DRC3: variants seen among roughly 807,000 people sequenced by gnomAD.
DRC3 encodes the protein dynein regulatory complex subunit 3.
A neutral mutation model predicts 57.6 loss-of-function variants in DRC3; 45 were observed. The ratio of observed to expected loss-of-function variants is 0.78; its 90% CI spans 0.62 to 1.00. The LOEUF is 1.00. Among genes scored for constraint, DRC3 ranks in the 50% least tolerant of loss-of-function variants. The pLI, the probability that DRC3 is intolerant of heterozygous loss-of-function variation, is 0.00. For missense variants in DRC3, 655 were observed against 675.2 expected, an observed-to-expected ratio of 0.97 and a Z score of 0.33; for synonymous variants, 257 against 272.3, an observed-to-expected ratio of 0.94 and a Z score of 0.55.
chr17:18,014,874 G>T (rs894193693), intron 12 of DRC3, among the ~76,000 whole-genome samples: 1 of 152,152 alleles, frequency 6.6e-6, no homozygotes, highest in Non-Finnish European at 1.5e-5. Context: ...CACATGGAAA[G>T]AACTTAATAA....
At chr17:18,014,342 G>A (rs1359484423) in intron 12 of DRC3, among the ~76,000 whole-genome samples, 2 of 152,238 alleles carry the variant, frequency 1.3e-5, no homozygotes, top group African/African-American at 2.4e-5. Context: ...TGTTTGCACA[G>A]CCCCTGCCTC....
In DRC3 at chr17:18,016,729, G is replaced by A; in HGVS notation, c.*58G>A. The stretch of plus-strand genomic sequence containing the variant: ...ATAGCACCAGCCCCAGCCAGGAGAA[G>A]GAAGTGCACACGCCTCACCCGCACC... On this transcript the variant is annotated 3_prime_UTR_variant, in exon 14 of 14. Coordinates refer to ENST00000399187, the MANE Select transcript of DRC3 (RefSeq NM_031294.4). The A allele has an allele frequency of 8.7e-7, 1 of 1,143,858 alleles. No homozygotes were observed. The highest frequency in any genetic ancestry group is 1.3e-6 in the Non-Finnish European group (1 of 766,072). The allele number at this position is 1,143,858 out of a possible 1,614,324, so 70.9% of individuals were successfully genotyped here. A position where few individuals can be genotyped will look rare whatever the true frequency, so the allele number is the denominator to read the frequency against.
intron 3 of DRC3, among the ~76,000 whole-genome samples, chr17:17,980,239 G>A (rs1303147860): frequency 6.6e-6 from 1 of 151,490 alleles, no homozygotes; most frequent in Admixed American, 6.6e-5. Context: ...CAGCTGGACT[G>A]TATGTTTTTT....
At chr17:18,007,331 G>A in intron 12 of DRC3, 184 bp downstream of exon 12, 1 of 1,448,184 alleles carries the variant, frequency 6.9e-7, no homozygotes, top group Non-Finnish European at 9.5e-7. Flanking sequence ...AGCACCTGGT[G>A]GGGCACCCAG....
In DRC3 at chr17:18,012,772, G is replaced by A. The variant is rs537097498; in HGVS notation, c.1327-3292G>A. On this transcript the variant is annotated intron_variant, in intron 12 of 13. Transcript: ENST00000399187. ...ACATTGGCCTGGGAAAAAATTTTAT[G>A]AATAAGACCTCAAAAGCACAGACAA... Among the ~76,000 whole-genome samples, 8 of 151,572 alleles carry A rather than the reference G, an allele frequency of 5.3e-5. No individual in the cohort carries two copies. The South Asian group carries it at 1.7e-3, about 32-fold the overall frequency.
At chr17:18,009,099 C>T (rs1253476207) in intron 12 of DRC3, among the ~76,000 whole-genome samples, 1 of 152,136 alleles carries the variant, frequency 6.6e-6, no homozygotes, top group East Asian at 1.9e-4. Flanking sequence ...ATCTAAGCAA[C>T]AAAAAATGTG....
intron 4 of DRC3, among the ~76,000 whole-genome samples, chr17:17,984,493 A>G (rs1248597859): frequency 2.6e-5 from 4 of 152,124 alleles, no homozygotes; most frequent in Non-Finnish European, 5.9e-5. Flanking sequence ...GGTTTTGATG[A>G]GATGTTCCTT....
chr17:17,973,633 TA>T (rs1227573582), intron 1 of DRC3: 3 of 152,160 alleles, frequency 2.0e-5, no homozygotes, highest in South Asian at 2.1e-4. Flanking sequence ...TTTATTTATT[TA>T]TTTATTTTTT....
intron 10 of DRC3, 76 bp downstream of exon 10, chr17:18,004,570 A>G: frequency 2.6e-6 from 4 of 1,526,460 alleles, no homozygotes; most frequent in Non-Finnish European, 2.7e-6. Flanking sequence ...TGTAGCCTTC[A>G]TGGGCACGCC....
intron 6 of DRC3, 124 bp from the exon 7 acceptor site, chr17:17,994,175 G>T: frequency 7.7e-7 from 1 of 1,303,322 alleles, no homozygotes; most frequent in Non-Finnish European, 1.0e-6. Context: ...CAGCCTTCAT[G>T]CAGGCCCCTG....
intron 3 of DRC3, 134 bp from the exon 4 acceptor site, chr17:17,983,694 A>T: frequency 1.6e-6 from 1 of 610,384 alleles, no homozygotes; most frequent in Non-Finnish European, 2.9e-6. Flanking sequence ...CGACATCTCC[A>T]GGGTGCCTGC....
chr17:17,987,704 G>A (rs2043026328), intron 4 of DRC3, among the ~76,000 whole-genome samples: 1 of 152,194 alleles, frequency 6.6e-6, no homozygotes, highest in African/African-American at 2.4e-5. Context: ...TCCCCAGCCA[G>A]GAGGATGATT....
In DRC3 at chr17:18,015,914, C is replaced by T. The variant is rs546776235; in HGVS notation, c.1327-150C>T. 3.3e-4 allele frequency: 250 copies of T among 755,370 alleles called. 1 individual carries two copies. In the African/African-American group the frequency reaches 4.0e-3, roughly 12 times the overall value. The allele number at this position is 755,370 out of a possible 1,614,324, so 46.8% of individuals were successfully genotyped here. On this transcript the variant is annotated intron_variant, in intron 12 of 13. Transcript: ENST00000399187. ...GTCACAGATGAATTCACAGATGAAT[C>T]GGCAGAGTGCGCTGATACAAAGGTG...
In DRC3 at chr17:17,979,170, A is replaced by G. The variant is rs79761684; in HGVS notation, c.160+1412A>G. On this transcript the variant is annotated intron_variant, in intron 3 of 13. Transcript: ENST00000399187. ...GCAGATCCACCAGGGAAAGTGGAGC[A>G]GCCAGTGCAAAGGGCCTGGGGCAGG... Among the ~76,000 whole-genome samples, 95 of 152,314 alleles carry G rather than the reference A, an allele frequency of 6.2e-4. 5 individuals carry two copies. In the East Asian group the frequency reaches 0.018, roughly 29 times the overall value.
intron 3 of DRC3, among the ~76,000 whole-genome samples, chr17:17,978,560 C>A (rs752915683): frequency 1.1e-4 from 17 of 152,134 alleles, no homozygotes; most frequent in Admixed American, 2.6e-4. Context: ...CTAGGCTGGC[C>A]GGCATCCAGT....
intron 2 of DRC3, among the ~76,000 whole-genome samples, chr17:17,976,759 C>T (rs73303840): frequency 0.045 from 6,927 of 152,248 alleles, 508 homozygotes; most frequent in African/African-American, 0.15. Flanking sequence ...ACAGGAAACT[C>T]TCATGAGGCC....
chr17:17,994,408 A>G lies in DRC3; in HGVS notation c.701A>G (p.Glu234Gly), dbSNP rs1206310240. ...GAGCAGGCGCAGCGGGAGGAGCTAG[A>G]GAAGCACAAGGTACCGTTCCGGCAG... ...EDEQAQREEL[E>G]KHKTAFVEHL... is the part of the protein sequence containing the mutation. Residue 234 changes from glutamate to glycine, a missense_variant, in exon 7 of 14, where the codon GAG (glutamate) becomes GGG (glycine). Glu to Gly is a moderately conservative substitution (Grantham distance 98, BLOSUM62 -2). Transcript: ENST00000399187. The G allele has an allele frequency of 9.7e-6, 15 of 1,552,408 alleles. No homozygotes were observed. The highest frequency in any genetic ancestry group is 1.2e-5 in the Non-Finnish European group (14 of 1,147,704).
In DRC3 at chr17:18,007,822, C is replaced by G. The variant is rs993237823; in HGVS notation, c.1326+675C>G. 3.9e-6 allele frequency: 4 copies of G among 1,016,640 alleles called. No individual in the cohort carries two copies. The South Asian group carries it at 1.6e-4, about 41-fold the overall frequency. The allele number at this position is 1,016,640 out of a possible 1,614,324, so 63.0% of individuals were successfully genotyped here. A position where few individuals can be genotyped will look rare whatever the true frequency, so the allele number is the denominator to read the frequency against. ...GGCCTGCTTTAGTGCATGCATCATT[C>G]ACTCCACTGCCAGTTTCTCAGCTTC... On this transcript the variant is annotated intron_variant, in intron 12 of 13. Transcript: ENST00000399187.
intron 2 of DRC3, 158 bp from the exon 3 acceptor site, chr17:17,977,424 G>A (rs2042438855): frequency 2.4e-6 from 2 of 817,796 alleles, no homozygotes; most frequent in Non-Finnish European, 3.8e-6. Context: ...CTTGGCGTAA[G>A]TATACAAACC....
Sources: allele counts gnomAD v4.1 joint callset (sites outside exome capture counted in the v4.1 genomes callset), GRCh38; gene constraint gnomAD v4.1.1; transcripts MANE v1.5; gene names NCBI Gene and HGNC (gene_info 2026-07-23, HGNC 2026-07-21).